The following OTOGL variants were observed in gnomAD, a reference collection of about 807,000 sequenced individuals.
OTOGL encodes the protein otogelin-like protein.
Under a neutral mutation model 318.5 loss-of-function variants are expected in OTOGL, and 285 were observed. The ratio of observed to expected loss-of-function variants is 0.89; its 90% confidence interval spans 0.81 to 0.99. OTOGL has a LOEUF of 0.99. Ranked by LOEUF, OTOGL falls within the 50% of genes least tolerant of loss-of-function variation. OTOGL has a pLI of 0.00. For synonymous variants in OTOGL, 987 were observed against 936.5 expected (o/e 1.05, Z -0.99); for missense variants, 2,899 against 2,845.6 (o/e 1.02, Z -0.43).
At chr12:80,362,310 G>T (rs759441917) in intron 52 of OTOGL, among the ~76,000 whole-genome samples, 1 of 152,088 alleles carries the variant, frequency 6.6e-6, no homozygotes, top group African/African-American at 2.4e-5. Context: ...ATTGATTTCT[G>T]GATTCTCTAT....
rs757118455 is a variant in OTOGL at position 80,253,450 on chromosome 12, A to T, written c.1286-16A>T. 13 of 1,461,002 alleles carry T rather than the reference A, an allele frequency of 8.9e-6. No individual in the cohort carries two copies. Among genetic ancestry groups the T allele is most frequent in the African/African-American group, 2.8e-5 (2 of 71,836 alleles). 90.5% of individuals were successfully genotyped at this position (1,461,002 alleles called of 1,614,324 possible). On this transcript the variant is annotated splice_polypyrimidine_tract_variant and intron_variant, in intron 13 of 58. Transcript: ENST00000547103. ...TATTTCTTTTGAAATTTTGATGTGT[A>T]TTTCTTCTCAATTAGGCCTCGTAAT...
chr12:80,185,997 C>T (rs1236400827), intron 1 of OTOGL, among the ~76,000 whole-genome samples: 2 of 152,146 alleles, frequency 1.3e-5, no homozygotes, highest in Non-Finnish European at 2.9e-5. Context: ...CAACACTGCA[C>T]CTGCAAGTGG....
At chr12:80,214,171 A>T in intron 4 of OTOGL, among the ~76,000 whole-genome samples, 1 of 152,230 alleles carries the variant, frequency 6.6e-6, no homozygotes, top group East Asian at 1.9e-4. Flanking sequence ...TTACATTCCA[A>T]AAGTTCCTTT....
rs1433039070 is a variant in OTOGL at position 80,336,464 on chromosome 12, A to G, written c.4652A>G (p.Asn1551Ser). 1.2e-6 allele frequency: 2 copies of G among 1,609,466 alleles called. No individual in the cohort carries two copies. Among genetic ancestry groups the G allele is most frequent in the South Asian group, 1.1e-5 (1 of 90,718 alleles). ...ELSIITFDGN[N>S]AALYSMASYI... ...AGCATTATTACATTTGATGGAAACAACGCAGCATTATATAGCATGGCTTCT... is the reference window on the plus strand; with the variant it reads ...AGCATTATTACATTTGATGGAAACAGCGCAGCATTATATAGCATGGCTTCT... Residue 1551 changes from asparagine (N) to serine (S), a missense_variant, in exon 40 of 59, where the codon AAC becomes AGC. Around this residue, in one of 3 missense-constraint regions of OTOGL, gnomAD observed 2,607 missense variants for 2,524.9 expected, o/e 1.03. Coordinates refer to ENST00000547103, the MANE Select transcript of OTOGL (RefSeq NM_001378609.3).
rs1383806660 is a variant in OTOGL at position 80,307,779 on chromosome 12, C to G, written c.3333+2084C>G. Among the ~76,000 whole-genome samples the G allele has an allele frequency of 2.9e-5, 4 of 139,556 alleles. No homozygotes were observed. In the South Asian group the frequency reaches 6.8e-4, roughly 24 times the overall value. The allele number at this position is 139,556 out of a possible 152,430, so 91.6% of individuals were successfully genotyped here. A position where few individuals can be genotyped will look rare whatever the true frequency, so the allele number is the denominator to read the frequency against. ...CTCCCTCCCGGACGGGGTGGCTGGC[C>G]GGGCAGAGGGGCTCCTCACTTCCCA... is the stretch of plus-strand genomic sequence containing the variant. On this transcript the variant is annotated intron_variant, in intron 29 of 58. Transcript: ENST00000547103.
chr12:80,159,181 C>T (rs529795235), intron 1 of OTOGL, among the ~76,000 whole-genome samples: 29 of 152,254 alleles, frequency 1.9e-4, no homozygotes, highest in African/African-American at 6.0e-4. Flanking sequence ...TAGTATGAAA[C>T]TCACTTGATC....
intron 24 of OTOGL, among the ~76,000 whole-genome samples, chr12:80,275,070 G>A (rs546838935): frequency 6.6e-6 from 1 of 152,070 alleles, no homozygotes; most frequent in African/African-American, 2.4e-5. Context: ...CATTGATCAA[G>A]TAGTAATTTC....
intron 44 of OTOGL, 57 bp downstream of exon 44, chr12:80,342,219 G>T: frequency 7.6e-7 from 1 of 1,314,476 alleles, no homozygotes; most frequent in Non-Finnish European, 1.1e-6. Context: ...GAGAGTAAAA[G>T]CCAATACGTT....
At chr12:80,199,239 A>G (rs574844190) in intron 1 of OTOGL, among the ~76,000 whole-genome samples, 11 of 152,196 alleles carry the variant, frequency 7.2e-5, no homozygotes, top group African/African-American at 1.2e-4. Context: ...CCTCAAACCT[A>G]CCATGCTTTT....
At chr12:80,342,572 A>G (rs1888851563) in intron 44 of OTOGL, among the ~76,000 whole-genome samples, 1 of 152,190 alleles carries the variant, frequency 6.6e-6, no homozygotes, top group Non-Finnish European at 1.5e-5. Flanking sequence ...CTTGGTCTTT[A>G]TTAGTCTCTA....
chr12:80,212,325 G>A (rs1175212203), intron 4 of OTOGL, among the ~76,000 whole-genome samples: 1 of 151,982 alleles, frequency 6.6e-6, no homozygotes, highest in Non-Finnish European at 1.5e-5. Context: ...TATCAGTTAG[G>A]ACAATGACAA....
At chr12:80,251,506 A>G (rs1026738121) in intron 11 of OTOGL, among the ~76,000 whole-genome samples, 187 bp from the exon 12 acceptor site, 3 of 152,184 alleles carry the variant, frequency 2.0e-5, no homozygotes, top group Non-Finnish European at 4.4e-5. Flanking sequence ...TTAGCTGGGG[A>G]CCCATGCTCA....
chr12:80,377,068 A>G (rs1891209875), intron 57 of OTOGL, 55 bp from the exon 58 acceptor site: 1 of 1,238,026 alleles, frequency 8.1e-7, no homozygotes, highest in Non-Finnish European at 1.1e-6. Context: ...TATTTAATTT[A>G]AGAAACAATT....
intron 1 of OTOGL, among the ~76,000 whole-genome samples, chr12:80,114,544 G>A (rs1323941872): frequency 1.3e-5 from 2 of 151,962 alleles, no homozygotes; most frequent in African/African-American, 4.8e-5. Context: ...TGCCCTTAAC[G>A]TTTTTTTCCA....
intron 11 of OTOGL, among the ~76,000 whole-genome samples, chr12:80,240,781 A>T (rs1474582765): frequency 6.6e-6 from 1 of 152,136 alleles, no homozygotes; most frequent in Non-Finnish European, 1.5e-5. Context: ...GGTTGTGAAC[A>T]TCTAGGATAG....
Position 80,210,898 on chromosome 12 carries a change from T to A in OTOGL, c.119+12T>A. On this transcript the variant is annotated intron_variant, in intron 3 of 58. Coordinates refer to ENST00000547103, the MANE Select transcript of OTOGL (RefSeq NM_001378609.3). ...ATGGGAACATCAAAGTGAGTATTTC[T>A]TGTTCTTCGTGTCCTCTAAAACATA... The A allele has an allele frequency of 6.8e-7, 1 of 1,469,212 alleles. No homozygotes were observed. 91.0% of individuals were successfully genotyped at this position (1,469,212 alleles called of 1,614,324 possible). A position where few individuals can be genotyped will look rare whatever the true frequency, so the allele number is the denominator to read the frequency against.
chr12:80,303,194 C>T (rs564771184), intron 28 of OTOGL, among the ~76,000 whole-genome samples: 51 of 152,180 alleles, frequency 3.4e-4, no homozygotes, highest in Non-Finnish European at 5.7e-4. Context: ...CTGGCTCTGT[C>T]GCCCAGGCTG....
chr12:80,274,982 C>T (rs1332080467), intron 24 of OTOGL, among the ~76,000 whole-genome samples: 1 of 151,960 alleles, frequency 6.6e-6, no homozygotes, highest in Non-Finnish European at 1.5e-5. Context: ...GTGCACCTGG[C>T]ACCTAGGAGT....
intron 11 of OTOGL, among the ~76,000 whole-genome samples, chr12:80,240,476 A>G (rs771023567): frequency 4.6e-5 from 7 of 152,124 alleles, no homozygotes; most frequent in Non-Finnish European, 1.0e-4. Flanking sequence ...TAAAAAATGA[A>G]TTTCTGATAT....
Sources: gnomAD v4.1 joint callset for allele counts (sites outside exome capture counted in the v4.1 genomes callset) on GRCh38, gnomAD v4.1.1 for gene constraint, gnomAD v4.1.1 regional missense constraint, MANE v1.5 for transcripts, NCBI Gene and HGNC (gene_info 2026-07-23, HGNC 2026-07-21) for gene names.